The following CDH3 variants were observed in gnomAD, a reference collection of about 807,000 sequenced individuals.
The protein encoded by CDH3 is cadherin-3.
In CDH3, 54 loss-of-function variants were observed where a neutral mutation model predicts 82.0. That is an observed-to-expected ratio of 0.66 (90% CI 0.53 to 0.83). CDH3 has a LOEUF of 0.83. Among genes scored for constraint, CDH3 ranks in the 40% least tolerant of loss-of-function variants. The pLI is 0.00. For synonymous variants in CDH3, 446 were observed against 437.9 expected (o/e 1.02, Z -0.23); for missense variants, 1,054 against 1,084.6 (o/e 0.97, Z 0.40).
intron 7 of CDH3, among the ~76,000 whole-genome samples, chr16:68,680,448 G>A (rs1961185966): frequency 1.3e-5 from 2 of 152,194 alleles, no homozygotes; most frequent in African/African-American, 4.8e-5. Flanking sequence ...GGAGGCCAAG[G>A]CGGGAGGATC....
Position 68,687,669 on chromosome 16 carries a change from C to G in CDH3, c.1728C>G (p.Thr576=). 1 of 1,614,114 alleles carries G rather than the reference C, an allele frequency of 6.2e-7. No homozygotes were observed. The change falls in exon 12 of 16, where the codon ACC becomes ACG. Residue 576 remains threonine (T), a synonymous_variant. Coordinates refer to ENST00000264012, the MANE Select transcript of CDH3 (RefSeq NM_001793.6). ...NITDKDLSPH[T]SPFQAQLTDD... ...CGGACAAGGACCTGTCTCCCCACAC[C>G]TCCCCTTTCCAGGCCCAGCTCACAG...
downstream of CDH3, among the ~76,000 whole-genome samples, chr16:68,729,809 A>AT (rs1368632597): frequency 1.3e-5 from 2 of 151,496 alleles, no homozygotes; most frequent in East Asian, 2.0e-4. Context: ...TTTTTTTTTA[A>AT]TTTTTTGTAC....
chr16:68,721,229 C>CTTTTTT (rs71148941), intron 1 of CDH3, among the ~76,000 whole-genome samples: 8 of 114,572 alleles, frequency 7.0e-5, no homozygotes, highest in Admixed American at 1.0e-4. Flanking sequence ...GCAGTTTAGT[C>CTTTTTT]TTTTTTTTTT....
chr16:68,721,948 G>GTTTTTT (rs1962169895), intron 1 of CDH3, among the ~76,000 whole-genome samples: 1 of 152,022 alleles, frequency 6.6e-6, no homozygotes, highest in Non-Finnish European at 1.5e-5. Context: ...AAGTTAGCTG[G>GTTTTTT]GTGTGTGGCG....
chr16:68,710,205 CA>C (rs1962010096), intron 1 of CDH3, among the ~76,000 whole-genome samples: 1 of 152,216 alleles, frequency 6.6e-6, no homozygotes, highest in Non-Finnish European at 1.5e-5. Context: ...CCTCTATGGC[CA>C]CAGCTCCTGT....
intron 2 of CDH3, among the ~76,000 whole-genome samples, chr16:68,669,454 C>A (rs1325038027): frequency 1.3e-5 from 2 of 152,088 alleles, no homozygotes; most frequent in Non-Finnish European, 2.9e-5. Flanking sequence ...ACTGTCCCTT[C>A]TACAAATAGA....
At chr16:68,663,844 T>G (rs1960664268) in intron 2 of CDH3, among the ~76,000 whole-genome samples, 1 of 152,062 alleles carries the variant, frequency 6.6e-6, no homozygotes, top group South Asian at 2.1e-4. Flanking sequence ...ACTTTAAGTT[T>G]TAGGGTACAT....
chr16:68,673,636 C>T (rs539234742), intron 2 of CDH3, among the ~76,000 whole-genome samples: 118 of 152,198 alleles, frequency 7.8e-4, no homozygotes, highest in African/African-American at 2.6e-3. Context: ...TCAAAAAATT[C>T]GTATAGAGGC....
At chr16:68,682,593 C>A in intron 9 of CDH3, 106 bp downstream of exon 9, 1 of 1,044,742 alleles carries the variant, frequency 9.6e-7, no homozygotes, top group Non-Finnish European at 1.5e-6. Flanking sequence ...AGGAATCGTA[C>A]CAGCCCAGTG....
In CDH3 at chr16:68,682,371, G is replaced by T. The variant is rs200872707; in HGVS notation, c.1066G>T (p.Ala356Ser). Reference sequence around the variant, plus strand: ...GAGGCTGACGGTCACTGATCTGGACGCCCCCAACTCACCAGCGTGGCGTGC... The same window carrying T: ...GAGGCTGACGGTCACTGATCTGGACTCCCCCAACTCACCAGCGTGGCGTGC... Reference protein sequence around the residue: ...VQRLTVTDLDAPNSPAWRATY... With the variant: ...VQRLTVTDLDSPNSPAWRATY... Residue 356 changes from alanine to serine, a missense_variant, in exon 9 of 16, where the codon GCC becomes TCC. Coordinates refer to ENST00000264012, the MANE Select transcript of CDH3 (RefSeq NM_001793.6). 1.9e-6 allele frequency: 3 copies of T among 1,613,876 alleles called. No homozygotes were observed. The highest frequency in any genetic ancestry group is 2.7e-5 in the African/African-American group (2 of 74,906).
At chr16:68,711,353 G>C (rs1338175513) in intron 1 of CDH3, among the ~76,000 whole-genome samples, 1 of 147,626 alleles carries the variant, frequency 6.8e-6, no homozygotes, top group African/African-American at 2.5e-5. Flanking sequence ...GAAAAAGAAA[G>C]AAAAGGAAAG....
chr16:68,683,795 C>T (rs760045528), intron 9 of CDH3, among the ~76,000 whole-genome samples: 22 of 151,030 alleles, frequency 1.5e-4, no homozygotes, highest in Non-Finnish European at 2.7e-4. Context: ...GGGCCGGGCA[C>T]GATTGCTCAT....
chr16:68,714,071 TTA>T (rs1245023020), intron 1 of CDH3, among the ~76,000 whole-genome samples: 1 of 151,986 alleles, frequency 6.6e-6, no homozygotes, highest in Non-Finnish European at 1.5e-5. Context: ...GTAGCTGGGA[TTA>T]CAGGTACACG....
chr16:68,711,126 C>A (rs1229452335), intron 1 of CDH3, among the ~76,000 whole-genome samples: 1 of 151,796 alleles, frequency 6.6e-6, no homozygotes, highest in Admixed American at 6.6e-5. Context: ...GCCTGACCAA[C>A]ATGGAGAAAC....
chr16:68,686,364 G>A, intron 11 of CDH3: 2 of 1,093,456 alleles, frequency 1.8e-6, no homozygotes, highest in Non-Finnish European at 2.8e-6. Context: ...GTACGAGTCT[G>A]AGGTGGAGGG....
chr16:68,711,122 C>A (rs145807863), intron 1 of CDH3, among the ~76,000 whole-genome samples: 322 of 151,852 alleles, frequency 2.1e-3, no homozygotes, highest in Non-Finnish European at 3.7e-3. Context: ...ACCAGCCTGA[C>A]CAACATGGAG....
rs530495072 is a variant in CDH3 at position 68,655,633 on chromosome 16, C to T, written c.160+9883C>T. Among the ~76,000 whole-genome samples the T allele has an allele frequency of 1.2e-4, 18 of 152,272 alleles. 1 individual carries two copies. The South Asian group carries it at 2.5e-3, about 21-fold the overall frequency. ...CCGAGGCAGGCGGATCACTTGAGGT[C>T]AGGAGTTCGAAACCAGCCTGGCCAA... On this transcript the variant is annotated intron_variant, in intron 2 of 15. Transcript: ENST00000264012.
At chr16:68,719,410 A>C (rs567499894) in intron 1 of CDH3, among the ~76,000 whole-genome samples, 25 of 152,098 alleles carry the variant, frequency 1.6e-4, no homozygotes, top group African/African-American at 5.3e-4. Context: ...CTCTGGGGAC[A>C]GAAAAGGGCC....
chr16:68,660,158 T>G (rs1960522044), intron 2 of CDH3, among the ~76,000 whole-genome samples: 1 of 152,244 alleles, frequency 6.6e-6, no homozygotes, highest in East Asian at 1.9e-4. Context: ...TCGAGTGAAC[T>G]GTTCATCTTA....
Sources: gnomAD v4.1 joint callset for allele counts (sites outside exome capture counted in the v4.1 genomes callset) on GRCh38, gnomAD v4.1.1 for gene constraint, MANE v1.5 for transcripts, NCBI Gene and HGNC (gene_info 2026-07-23, HGNC 2026-07-21) for gene names.